The following NAALADL2 variants were observed in gnomAD, a reference collection of about 807,000 sequenced individuals.
The protein encoded by NAALADL2 is inactive N-acetylated-alpha-linked acidic dipeptidase-like protein 2.
Under a neutral mutation model 87.2 loss-of-function variants are expected in NAALADL2, and 76 were observed. That is an observed-to-expected ratio of 0.87 (90% CI 0.72 to 1.05). The LOEUF is 1.05. Ranked by LOEUF, NAALADL2 falls within the 50% of genes least tolerant of loss-of-function variation. NAALADL2 has a pLI of 0.00. For missense variants in NAALADL2, 1,089 were observed against 945.8 expected (o/e 1.15, Z -1.99); for synonymous variants, 354 against 331.0 (o/e 1.07, Z -0.75).
In NAALADL2 at chr3:174,965,688, C is replaced by CT. The variant is rs1249987207; in HGVS notation, c.43+106240dup. Among the ~76,000 whole-genome samples, 3 of 152,064 alleles carry CT rather than the reference C, an allele frequency of 2.0e-5. No individual in the cohort carries two copies. The East Asian group carries it at 5.8e-4, about 29-fold the overall frequency. On this transcript the variant is annotated intron_variant, in intron 1 of 13. Coordinates refer to ENST00000454872, the MANE Select transcript of NAALADL2 (RefSeq NM_207015.3). Reference sequence around the variant, plus strand: ...GAGGACATGGAGGTCCTCAAGGAGGCTTGGTACGGGAAAGGATCGATATAA... The same window carrying CT: ...GAGGACATGGAGGTCCTCAAGGAGGCTTTGGTACGGGAAAGGATCGATATAA...
At chr3:174,726,784 A>G (rs1456796904) in intron 2 of NAALADL2, among the ~76,000 whole-genome samples, 1 of 151,962 alleles carries the variant, frequency 6.6e-6, no homozygotes, top group Non-Finnish European at 1.5e-5. Flanking sequence ...TGCTTAAGGC[A>G]TGGTGTTTAC....
chr3:174,725,611 TG>T (rs1732106618), intron 2 of NAALADL2, among the ~76,000 whole-genome samples: 1 of 152,086 alleles, frequency 6.6e-6, no homozygotes, highest in South Asian at 2.1e-4. Context: ...TGGTTCAAAC[TG>T]AATCTGATAT....
chr3:175,013,207 TA>T (rs1249612111), intron 1 of NAALADL2, among the ~76,000 whole-genome samples: 1 of 70,778 alleles, frequency 1.4e-5, no homozygotes, highest in Non-Finnish European at 3.1e-5. Context: ...CATAAATATA[TA>T]ATATATATTT....
intron 9 of NAALADL2, among the ~76,000 whole-genome samples, chr3:175,564,824 A>G (rs4428196): frequency 0.79 from 120,002 of 152,080 alleles, 47,450 homozygotes; most frequent in East Asian, 0.88. Context: ...ACGTGTTCAA[A>G]GTTTCATTTA....
intron 1 of NAALADL2, among the ~76,000 whole-genome samples, chr3:174,921,008 A>AAAT (rs796790563): frequency 6.6e-6 from 1 of 152,188 alleles, no homozygotes; most frequent in South Asian, 2.1e-4. Context: ...ATGGTGTCCC[A>AAAT]AATAATTACA....
chr3:174,901,506 G>A (rs565102197), intron 1 of NAALADL2, among the ~76,000 whole-genome samples: 1 of 152,264 alleles, frequency 6.6e-6, no homozygotes, highest in African/African-American at 2.4e-5. Context: ...CAGGGCTTCA[G>A]GTAAATGTCT....
intron 2 of NAALADL2, among the ~76,000 whole-genome samples, chr3:174,630,331 T>A (rs911924655): frequency 1.2e-4 from 18 of 152,180 alleles, no homozygotes; most frequent in Admixed American, 6.5e-5. Flanking sequence ...ACTTTATTTC[T>A]CCTGTTTTAG....
chr3:175,055,529 G>T (rs938328849), intron 1 of NAALADL2, among the ~76,000 whole-genome samples: 6 of 152,214 alleles, frequency 3.9e-5, no homozygotes, highest in Non-Finnish European at 8.8e-5. Flanking sequence ...GGCAGACATT[G>T]TACAGGGGTG....
chr3:174,529,936 C>G (rs753201040), intron 1 of NAALADL2, among the ~76,000 whole-genome samples: 3 of 152,168 alleles, frequency 2.0e-5, no homozygotes, highest in African/African-American at 7.2e-5. Flanking sequence ...CTCTGACCTG[C>G]CTTGGAGACA....
intron 2 of NAALADL2, among the ~76,000 whole-genome samples, chr3:174,559,813 C>G (rs1006583269): frequency 1.9e-4 from 29 of 152,124 alleles, no homozygotes; most frequent in African/African-American, 6.5e-4. Flanking sequence ...AAGGCCCTAC[C>G]TACTAATACT....
At chr3:174,893,430 CTA>C (rs1321181690) in intron 1 of NAALADL2, among the ~76,000 whole-genome samples, 2 of 151,722 alleles carry the variant, frequency 1.3e-5, no homozygotes, top group Non-Finnish European at 2.9e-5. Context: ...GGTGTGTAAA[CTA>C]TTATAATTCT....
intron 1 of NAALADL2, among the ~76,000 whole-genome samples, chr3:174,895,308 A>C (rs1180711293): frequency 6.6e-6 from 1 of 151,642 alleles, no homozygotes; most frequent in Non-Finnish European, 1.5e-5. Flanking sequence ...AACAGAGAGA[A>C]GATCTAAAAA....
At chr3:175,632,596 T>G (rs1456132097) in intron 11 of NAALADL2, among the ~76,000 whole-genome samples, 1 of 152,088 alleles carries the variant, frequency 6.6e-6, no homozygotes, top group African/African-American at 2.4e-5. Flanking sequence ...AAGGACAGGA[T>G]GTATGATATA....
chr3:175,105,484 T>C (rs1323105216), intron 2 of NAALADL2, among the ~76,000 whole-genome samples: 2 of 130,860 alleles, frequency 1.5e-5, no homozygotes, highest in Non-Finnish European at 3.3e-5. Flanking sequence ...TAAATGGCTA[T>C]GTATGTATGT....
chr3:175,711,017 C>T (rs1740458537), intron 11 of NAALADL2, among the ~76,000 whole-genome samples: 1 of 151,792 alleles, frequency 6.6e-6, no homozygotes, highest in African/African-American at 2.4e-5. Flanking sequence ...GCATTTACCT[C>T]CAAAATACAA....
At chr3:174,577,796 G>C (rs1337637727) in intron 2 of NAALADL2, among the ~76,000 whole-genome samples, 1 of 151,932 alleles carries the variant, frequency 6.6e-6, no homozygotes, top group Non-Finnish European at 1.5e-5. Flanking sequence ...AAAAAGGTCA[G>C]CATAAATTTA....
At chr3:175,645,674 T>C (rs1313032623) in intron 11 of NAALADL2, among the ~76,000 whole-genome samples, 1 of 152,068 alleles carries the variant, frequency 6.6e-6, no homozygotes, top group Non-Finnish European at 1.5e-5. Flanking sequence ...GAAGGCCATG[T>C]CACTGGAAAC....
intron 1 of NAALADL2, among the ~76,000 whole-genome samples, chr3:175,029,514 C>T (rs543342556): frequency 2.6e-5 from 4 of 151,936 alleles, no homozygotes; most frequent in Non-Finnish European, 5.9e-5. Context: ...GTTAGCAAAA[C>T]CAGCATACCA....
intron 2 of NAALADL2, among the ~76,000 whole-genome samples, chr3:175,170,131 A>T (rs1326806873): frequency 1.3e-5 from 2 of 151,826 alleles, no homozygotes; most frequent in African/African-American, 4.8e-5. Context: ...GCTTGAAATG[A>T]ATTCCTAATT....
Sources: gnomAD v4.1 joint callset for allele counts (sites outside exome capture counted in the v4.1 genomes callset) on GRCh38, gnomAD v4.1.1 for gene constraint, MANE v1.5 for transcripts, NCBI Gene and HGNC (gene_info 2026-07-23, HGNC 2026-07-21) for gene names.